The following PPP4R3A variants were observed in gnomAD, a reference collection of about 807,000 sequenced individuals.
The protein encoded by PPP4R3A is serine/threonine-protein phosphatase 4 regulatory subunit 3A.
PPP4R3A carries 15 observed loss-of-function variants against 91.7 expected under a neutral mutation model. That is an observed-to-expected ratio of 0.16 (90% CI 0.11 to 0.25). The LOEUF (loss-of-function observed/expected upper bound fraction) is 0.25. PPP4R3A is among the 10% of genes least tolerant of loss of function. The probability of loss-of-function intolerance (pLI) is 1.00; values close to 1 mark genes in which losing one functional copy is unlikely to be tolerated. For missense variants in PPP4R3A, 623 were observed against 998.4 expected, an observed-to-expected ratio of 0.62 and a Z score of 5.07; for synonymous variants, 377 against 348.7, an observed-to-expected ratio of 1.08 and a Z score of -0.91.
chr14:91,458,635 G>T lies in PPP4R3A; in HGVS notation c.*124C>A, dbSNP rs769723167. The T allele has an allele frequency of 1.5e-5, 21 of 1,392,102 alleles. No individual in the cohort carries two copies. The South Asian group carries it at 2.0e-4, about 13-fold the overall frequency. 86.2% of individuals were successfully genotyped at this position (1,392,102 alleles called of 1,614,324 possible). ...GGCACTTGATGAGCAGAAGTCAAGTGTAAGAGGCTGATCTGTGTCAGTCAT... is the reference window on the plus strand; with the variant it reads ...GGCACTTGATGAGCAGAAGTCAAGTTTAAGAGGCTGATCTGTGTCAGTCAT... On this transcript the variant is annotated 3_prime_UTR_variant, in exon 15 of 15. Transcript: ENST00000554943.
intron 1 of PPP4R3A, among the ~76,000 whole-genome samples, chr14:91,508,067 G>A (rs563818983): frequency 6.6e-6 from 1 of 152,264 alleles, no homozygotes; most frequent in South Asian, 2.1e-4. Flanking sequence ...TTTTCCAAAT[G>A]TGTGAAAGAT....
intron 2 of PPP4R3A, 91 bp from the exon 3 acceptor site, chr14:91,485,821 T>C: frequency 1.1e-6 from 1 of 873,766 alleles, no homozygotes; most frequent in South Asian, 2.0e-5. Context: ...GTGCTCATTT[T>C]TACTTTTTGC....
intron 10 of PPP4R3A, among the ~76,000 whole-genome samples, chr14:91,467,986 T>C (rs1888581469): frequency 6.6e-6 from 1 of 152,260 alleles, no homozygotes; most frequent in Non-Finnish European, 1.5e-5. Context: ...AAATTTATTT[T>C]AGTTCTTAGA....
chr14:91,485,824 C>CT, intron 2 of PPP4R3A, 94 bp from the exon 3 acceptor site: 2 of 762,894 alleles, frequency 2.6e-6, no homozygotes, highest in Non-Finnish European at 4.1e-6. Flanking sequence ...CTCATTTTTA[C>CT]TTTTTGCAAC....
rs548941355 is a variant in PPP4R3A at position 91,509,119 on chromosome 14, T to G, written c.142+387A>C. Reference sequence around the variant, plus strand: ...TTAGCTCCAAGCAAAGTTTCATGCCTGCTTTACAGATGGGTGAACTAAGGC... The same window carrying G: ...TTAGCTCCAAGCAAAGTTTCATGCCGGCTTTACAGATGGGTGAACTAAGGC... On this transcript the variant is annotated intron_variant, in intron 1 of 14. Coordinates refer to ENST00000554943, the MANE Select transcript of PPP4R3A (RefSeq NM_001366432.2). 8.9e-4 allele frequency among the ~76,000 whole-genome samples: 136 copies of G among 152,336 alleles called. 1 individual carries two copies. The highest frequency in any genetic ancestry group is 2.9e-3 in the South Asian group (14 of 4,828).
chr14:91,509,483 C>A (rs776892955), intron 1 of PPP4R3A, 23 bp downstream of exon 1: 2 of 1,569,606 alleles, frequency 1.3e-6, no homozygotes, highest in African/African-American at 1.3e-5. Flanking sequence ...TGCGAGGGTC[C>A]CGCCGCGCGG....
Position 91,462,232 on chromosome 14 carries a change from A to G in PPP4R3A, c.1981T>C (p.Ser661Pro). Residue 661 changes from serine to proline, a missense_variant, in exon 13 of 15, where the codon TCC becomes CCC. Physicochemically the swap from Ser to Pro is moderately conservative, Grantham distance 74. This residue lies in a region of PPP4R3A where 201 missense variants were observed against 229.9 expected (regional missense o/e 0.87). Coordinates refer to ENST00000554943, the MANE Select transcript of PPP4R3A (RefSeq NM_001366432.2). ...QDNPKLDSMR[S>P]ILRNHRYRRD... is the part of the protein sequence containing the mutation. ...CGATATCTGTGATTCCTCAAAATGG[A>G]ACGCATACTATGAGTAGGGAAGAAA... The G allele has an allele frequency of 1.9e-6, 3 of 1,586,938 alleles. No individual in the cohort carries two copies. Among genetic ancestry groups the G allele is most frequent in the Non-Finnish European group, 8.5e-7 (1 of 1,170,748 alleles).
At chr14:91,505,865 G>A (rs999012517) in intron 1 of PPP4R3A, among the ~76,000 whole-genome samples, 1 of 152,232 alleles carries the variant, frequency 6.6e-6, no homozygotes. Flanking sequence ...GGAGAATGGA[G>A]CAAGCACACA....
At chr14:91,479,158 G>C (rs11626225) in intron 4 of PPP4R3A, among the ~76,000 whole-genome samples, 1 of 151,636 alleles carries the variant, frequency 6.6e-6, no homozygotes, top group East Asian at 1.9e-4. Context: ...AATTTTTGTA[G>C]TTTTAGTAGA....
At chr14:91,494,307 T>A (rs950161442) in intron 1 of PPP4R3A, among the ~76,000 whole-genome samples, 1 of 151,866 alleles carries the variant, frequency 6.6e-6, no homozygotes, top group Non-Finnish European at 1.5e-5. Context: ...AAAGAAAAAA[T>A]TGGGCATCAC....
intron 1 of PPP4R3A, among the ~76,000 whole-genome samples, chr14:91,495,996 C>T (rs974230975): frequency 6.6e-6 from 1 of 152,066 alleles, no homozygotes; most frequent in South Asian, 2.1e-4. Flanking sequence ...ATGGATACCA[C>T]GAACAATGTT....
chr14:91,467,718 C>T (rs768531639), intron 10 of PPP4R3A, among the ~76,000 whole-genome samples: 2 of 152,086 alleles, frequency 1.3e-5, no homozygotes, highest in Non-Finnish European at 2.9e-5. Context: ...AGTTTAGAAA[C>T]GATTGCTAGA....
At chr14:91,497,995 G>C (rs1890688928) in intron 1 of PPP4R3A, among the ~76,000 whole-genome samples, 2 of 152,190 alleles carry the variant, frequency 1.3e-5, no homozygotes, top group Admixed American at 6.5e-5. Context: ...TGCAGAAGCA[G>C]ATGAGAATCT....
chr14:91,473,402 C>T, intron 7 of PPP4R3A, 32 bp from the exon 8 acceptor site: 2 of 1,591,238 alleles, frequency 1.3e-6, no homozygotes, highest in Non-Finnish European at 1.7e-6. Flanking sequence ...CTCAGGATCA[C>T]TTATTATGAG....
chr14:91,467,652 G>C (rs971814296), intron 10 of PPP4R3A, among the ~76,000 whole-genome samples: 7 of 152,084 alleles, frequency 4.6e-5, no homozygotes, highest in African/African-American at 1.7e-4. Context: ...TAAGATCCAA[G>C]GAACTTAATA....
At chr14:91,476,128 A>G (rs745765029) in intron 6 of PPP4R3A, among the ~76,000 whole-genome samples, 162 bp from the exon 7 acceptor site, 2 of 152,266 alleles carry the variant, frequency 1.3e-5, no homozygotes, top group Admixed American at 6.5e-5. Flanking sequence ...GGATAAAATT[A>G]TACTTTCTAA....
At chr14:91,487,522 A>G (rs1321644621) in intron 2 of PPP4R3A, among the ~76,000 whole-genome samples, 1 of 152,176 alleles carries the variant, frequency 6.6e-6, no homozygotes. Context: ...TGAATATGGT[A>G]TAAAGAAAAA....
chr14:91,462,296 A>T (rs1888209953), intron 12 of PPP4R3A, 57 bp from the exon 13 acceptor site: 2 of 1,412,596 alleles, frequency 1.4e-6, no homozygotes, highest in Admixed American at 2.8e-5. Flanking sequence ...TTGTACTGTT[A>T]CAGATGACTT....
intron 4 of PPP4R3A, among the ~76,000 whole-genome samples, chr14:91,479,968 A>G (rs1292047626): frequency 1.3e-5 from 2 of 152,212 alleles, no homozygotes; most frequent in Non-Finnish European, 2.9e-5. Context: ...GAATAGACCA[A>G]TTCACACACT....
Sources: allele counts gnomAD v4.1 joint callset (sites outside exome capture counted in the v4.1 genomes callset), GRCh38; gene constraint gnomAD v4.1.1; regional missense constraint gnomAD v4.1.1; transcripts MANE v1.5; gene names NCBI Gene and HGNC (gene_info 2026-07-23, HGNC 2026-07-21).